The following ABHD15 variants were observed in gnomAD, a reference collection of about 807,000 sequenced individuals.
The protein encoded by ABHD15 is protein ABHD15.
A neutral mutation model predicts 34.4 loss-of-function variants in ABHD15; 34 were observed. The observed-to-expected ratio is 0.99, with a 90% CI of 0.75 to 1.32. The LOEUF is 1.32. Among genes scored for constraint, ABHD15 ranks in the 40% most tolerant of loss-of-function variants. The pLI, the probability that ABHD15 is intolerant of heterozygous loss-of-function variation, is 0.00. For missense variants in ABHD15, 644 were observed against 650.4 expected, an observed-to-expected ratio of 0.99 and a Z score of 0.11; for synonymous variants, 314 against 299.2, an observed-to-expected ratio of 1.05 and a Z score of -0.51.
At position 29,566,417 on chromosome 17, in the gene ABHD15, G is replaced by T. The variant is rs942606917; in HGVS notation, c.550C>A (p.Arg184Ser). 3.1e-6 allele frequency: 5 copies of T among 1,612,000 alleles called. No homozygotes were observed. The highest frequency in any genetic ancestry group is 1.7e-5 in the Admixed American group (1 of 59,962). ...TGGAAGATGACCGGGTAGTAGCCGC[G>T]CTCCAGGGCGAGCAAGCAAAGGCCG... Reference protein sequence around the residue: ...VLGLCLLALERGYYPVIFHRR... With the variant: ...VLGLCLLALESGYYPVIFHRR... The change falls in exon 1 of 2, where the codon CGC (arginine) becomes AGC (serine). Residue 184 changes from arginine to serine, a missense_variant. Transcript: ENST00000307201.
rs755363222 is a variant in ABHD15 at position 29,561,658 on chromosome 17, T to G, written c.*903A>C. The G allele has an allele frequency of 2.6e-5, 4 of 152,518 alleles. No homozygotes were observed. Among genetic ancestry groups the G allele is most frequent in the African/African-American group, 4.8e-5 (2 of 41,424 alleles). 9.4% of individuals were successfully genotyped at this position (152,518 alleles called of 1,614,324 possible). ...AGGGAGCAACCAACCAGAAAACACC[T>G]AAGTTATGAGGTTTGTGCTTTTCCT... On this transcript the variant is annotated 3_prime_UTR_variant, in exon 2 of 2. Coordinates refer to ENST00000307201, the MANE Select transcript of ABHD15 (RefSeq NM_198147.3).
Position 29,566,794 on chromosome 17 carries a change from T to C in ABHD15, c.173A>G (p.Gln58Arg). ...CAGTGGCTCGCGCCCGTCGCTGAAC[T>C]GGTCCGCCGGGCCTCCGCCGTCCGC... Reference protein sequence around the residue: ...EEADGGGPADQFSDGREPLPG... With the variant: ...EEADGGGPADRFSDGREPLPG... The change falls in exon 1 of 2, where the codon CAG (glutamine) becomes CGG (arginine). Residue 58 changes from glutamine to arginine, a missense_variant. Transcript: ENST00000307201. 6.6e-7 allele frequency: 1 copy of C among 1,512,464 alleles called. No individual in the cohort carries two copies. The highest frequency in any genetic ancestry group is 1.2e-5 in the South Asian group (1 of 80,560). 93.7% of individuals were successfully genotyped at this position (1,512,464 alleles called of 1,614,324 possible). A position where few individuals can be genotyped will look rare whatever the true frequency, so the allele number is the denominator to read the frequency against.
At position 29,562,727 on chromosome 17, in the gene ABHD15, G is replaced by A; in HGVS notation, c.1241C>T (p.Ala414Val). The A allele has an allele frequency of 6.2e-7, 1 of 1,614,154 alleles. No homozygotes were observed. Among genetic ancestry groups the A allele is most frequent in the Non-Finnish European group, 8.5e-7 (1 of 1,180,018 alleles). The change falls in exon 2 of 2, where the codon GCC becomes GTC. Residue 414 changes from alanine to valine, a missense_variant. Physicochemically the swap from Ala to Val is moderately conservative, Grantham distance 64. Coordinates refer to ENST00000307201, the MANE Select transcript of ABHD15 (RefSeq NM_198147.3). ...SHEVILESFR[A>V]LTEFFRTEER... ...CTCCGTTCGGAAGAACTCAGTCAAGGCCCGGAAGGACTCCAAGATGACCTC... is the reference window on the plus strand; with the variant it reads ...CTCCGTTCGGAAGAACTCAGTCAAGACCCGGAAGGACTCCAAGATGACCTC...
In ABHD15 at chr17:29,562,553, C is replaced by T; in HGVS notation, c.*8G>A. The T allele has an allele frequency of 6.2e-7, 1 of 1,607,984 alleles. No individual in the cohort carries two copies. Among genetic ancestry groups the T allele is most frequent in the East Asian group, 2.2e-5 (1 of 44,720 alleles). The stretch of plus-strand genomic sequence containing the variant: ...TTGCAGGACTTGGGGGTTCTCAGGC[C>T]AGGTCTTTCACCTTGTGTATGATCG... On this transcript the variant is annotated 3_prime_UTR_variant, in exon 2 of 2. Coordinates refer to ENST00000307201, the MANE Select transcript of ABHD15 (RefSeq NM_198147.3).
intron 1 of ABHD15, among the ~76,000 whole-genome samples, chr17:29,565,273 T>A (rs978667712): frequency 2.0e-5 from 3 of 151,926 alleles, no homozygotes; most frequent in Admixed American, 1.3e-4. Context: ...AAAATACTTT[T>A]AAAAAATAAT....
Position 29,562,892 on chromosome 17 carries a change from T to C in ABHD15, c.1076A>G (p.Asp359Gly), listed in dbSNP as rs1364542013. The change falls in exon 2 of 2, where the codon GAC (aspartate) becomes GGC (glycine). Residue 359 changes from aspartate to glycine, a missense_variant. Transcript: ENST00000307201. ...AVPVLCICSA[D>G]DPVCGPPDHT... Reference sequence around the variant, plus strand: ...GTCTGGGGGTCCACACACGGGGTCGTCAGCACTGCAGATACACAGCACAGG... The same window carrying C: ...GTCTGGGGGTCCACACACGGGGTCGCCAGCACTGCAGATACACAGCACAGG... 4 of 1,614,096 alleles carry C rather than the reference T, an allele frequency of 2.5e-6. No homozygotes were observed. Among genetic ancestry groups the C allele is most frequent in the Non-Finnish European group, 3.4e-6 (4 of 1,180,024 alleles).
Position 29,562,706 on chromosome 17 carries a change from G to A in ABHD15, c.1262C>T (p.Thr421Met), listed in dbSNP as rs371401765. 4.4e-5 allele frequency: 71 copies of A among 1,614,036 alleles called. No individual in the cohort carries two copies. The highest frequency in any genetic ancestry group is 1.6e-4 in the Middle Eastern group (1 of 6,084). The change falls in exon 2 of 2, where the codon ACG (threonine) becomes ATG (methionine). Residue 421 changes from threonine to methionine, a missense_variant. Transcript: ENST00000307201. ...GCTCAGCCCTTTAATCCTCTCCTCC[G>A]TTCGGAAGAACTCAGTCAAGGCCCG... ...SFRALTEFFR[T>M]EERIKGLSRH...
In ABHD15 at chr17:29,566,228, G is replaced by T. The variant is rs367565913; in HGVS notation, c.739C>A (p.Leu247Met). 12 of 1,611,108 alleles carry T rather than the reference G, an allele frequency of 7.4e-6. No homozygotes were observed. Among genetic ancestry groups the T allele is most frequent in the African/African-American group, 1.3e-5 (1 of 75,018 alleles). ...GSGSALLLSY[L>M]GECGSSSYVT... ...TAGCTGGAGGAGCCGCACTCGCCCA[G>T]GTAGGACAGGAGCAGCGCCGAGCCC... Residue 247 changes from leucine (L) to methionine (M), a missense_variant, in exon 1 of 2, where the codon CTG becomes ATG. Transcript: ENST00000307201.
rs763059674 is a variant in ABHD15, at chr17:29,562,602, G to A, written c.1366C>T (p.Leu456=). ...QRREVSSSSN[L]EEIFNWKRSY... ...CGCTTCCAGTTAAAGATCTCCTCCA[G>A]GTTGGAAGAGGAAGAGACTTCCCGC... Residue 456 remains leucine (L), a synonymous_variant, in exon 2 of 2, where the codon CTG becomes TTG. Coordinates refer to ENST00000307201, the MANE Select transcript of ABHD15 (RefSeq NM_198147.3). 13 of 1,613,974 alleles carry A rather than the reference G, an allele frequency of 8.1e-6. No homozygotes were observed. The highest frequency in any genetic ancestry group is 1.1e-5 in the Non-Finnish European group (13 of 1,180,014).
In ABHD15 at chr17:29,562,147, C is replaced by T. The variant is rs563108582; in HGVS notation, c.*414G>A. 13 of 160,662 alleles carry T rather than the reference C, an allele frequency of 8.1e-5. No individual in the cohort carries two copies. The highest frequency in any genetic ancestry group is 6.5e-4 in the Admixed American group (11 of 16,836). The allele number at this position is 160,662 out of a possible 1,614,324, so 10.0% of individuals were successfully genotyped here. A position where few individuals can be genotyped will look rare whatever the true frequency, so the allele number is the denominator to read the frequency against. On this transcript the variant is annotated 3_prime_UTR_variant, in exon 2 of 2. Transcript: ENST00000307201. ...CACAAACATCCTGTCCTCATGACAT[C>T]AAATGGCTCCAGCTTGAGAATCGGG...
intron 1 of ABHD15, among the ~76,000 whole-genome samples, chr17:29,565,181 C>A (rs1251646054): frequency 6.6e-6 from 1 of 151,980 alleles, no homozygotes; most frequent in Non-Finnish European, 1.5e-5. Flanking sequence ...ATAGCTTGCA[C>A]CCAGGAGGTG....
In ABHD15 at chr17:29,562,572, A is replaced by G; in HGVS notation, c.1396T>C (p.Tyr466His). ...TCAGGCCAGGTCTTTCACCTTGTGT[A>G]TGATCGCTTCCAGTTAAAGATCTCC... ...LEEIFNWKRS[Y>H]TR The change falls in exon 2 of 2, where the codon TAC becomes CAC. Residue 466 changes from tyrosine to histidine, a missense_variant. By Grantham distance (83) the Tyr-to-His change is moderately conservative (BLOSUM62 2). Coordinates refer to ENST00000307201, the MANE Select transcript of ABHD15 (RefSeq NM_198147.3). 1.9e-6 allele frequency: 3 copies of G among 1,613,190 alleles called. No individual in the cohort carries two copies. The highest frequency in any genetic ancestry group is 1.1e-5 in the South Asian group (1 of 91,054).
chr17:29,566,732 G>C lies in ABHD15; in HGVS notation c.235C>G (p.Leu79Val), dbSNP rs1200971852. 6.4e-7 allele frequency: 1 copy of C among 1,565,000 alleles called. No homozygotes were observed. The highest frequency in any genetic ancestry group is 8.6e-7 in the Non-Finnish European group (1 of 1,162,380). ...AGGGCGCGCAGCAGGCACTGGGCCA[G>C]GGCCGACGGCTTGCAAACAAGGCTG... The part of the protein sequence containing the change: ...GCSLVCKPSA[L>V]AQCLLRALRR... The change falls in exon 1 of 2, where the codon CTG becomes GTG. Residue 79 changes from leucine (L) to valine (V), a missense_variant. Physicochemically the swap from Leu to Val is conservative, Grantham distance 32. Coordinates refer to ENST00000307201, the MANE Select transcript of ABHD15 (RefSeq NM_198147.3).
rs142182478 is a variant in ABHD15 at position 29,562,782 on chromosome 17, G to A, written c.1186C>T (p.Arg396Cys). Residue 396 changes from arginine to cysteine, a missense_variant, in exon 2 of 2, where the codon CGC becomes TGC. By Grantham distance (180) the Arg-to-Cys change is radical. Transcript: ENST00000307201. The stretch of plus-strand genomic sequence containing the variant: ...CTCCAGGCTGGCAAGGGCTCCTGGC[G>A]CAGGAAGCCACAGTGGCCTCCGTGG... Reference protein sequence around the residue: ...SRHGGHCGFLRQEPLPAWSHE... With the variant: ...SRHGGHCGFLCQEPLPAWSHE... The A allele has an allele frequency of 2.9e-5, 46 of 1,613,518 alleles. No homozygotes were observed. Among genetic ancestry groups the A allele is most frequent in the East Asian group, 2.5e-4 (11 of 44,858 alleles).
chr17:29,564,486 TCCTGACAAGGAGGCCAGGATGAGCAG>T (rs1567757104), intron 1 of ABHD15, among the ~76,000 whole-genome samples: 1 of 152,184 alleles, frequency 6.6e-6, no homozygotes, highest in African/African-American at 2.4e-5. Flanking sequence ...GGGCTTGGCA[TCCTGACAAGGAGGCCAGGATGAGCAG>T]CTCCGTCTTT....
chr17:29,563,384 TAA>T lies in ABHD15; in HGVS notation c.882-300_882-299del, dbSNP rs34446912. 4.5e-3 allele frequency among the ~76,000 whole-genome samples: 542 copies of T among 121,484 alleles called. 2 individuals carry two copies. Among genetic ancestry groups the T allele is most frequent in the African/African-American group, 0.014 (463 of 33,712 alleles). The allele number at this position is 121,484 out of a possible 152,430, so 79.7% of individuals were successfully genotyped here. A position where few individuals can be genotyped will look rare whatever the true frequency, so the allele number is the denominator to read the frequency against. ...GGGCAACAGGGCGAAAACCCATCTC[TAA>T]AAAAAAAAAAAAAAAAAATTAGCTT... On this transcript the variant is annotated intron_variant, in intron 1 of 1. Transcript: ENST00000307201.
intron 1 of ABHD15, among the ~76,000 whole-genome samples, chr17:29,565,119 G>A (rs1399363618): frequency 6.6e-6 from 1 of 152,012 alleles, no homozygotes; most frequent in African/African-American, 2.4e-5. Flanking sequence ...TTAGCTGGGT[G>A]TGGTGGTGCA....
chr17:29,566,616 C>CG lies in ABHD15; in HGVS notation c.350dup (p.Pro118AlafsTer4), dbSNP rs1255000088. 6.2e-7 allele frequency: 1 copy of CG among 1,608,664 alleles called. No individual in the cohort carries two copies. Among genetic ancestry groups the CG allele is most frequent in the East Asian group, 2.2e-5 (1 of 44,848 alleles). ...ACTCCCGGGCCAGCTCAGGCCCAGGCGCTACGGGCAGGACGAAGTGGCAGA... is the reference window on the plus strand; with the variant it reads ...ACTCCCGGGCCAGCTCAGGCCCAGGCGGCTACGGGCAGGACGAAGTGGCAGA... On this transcript the variant is annotated frameshift_variant, in exon 1 of 2. Coordinates refer to ENST00000307201, the MANE Select transcript of ABHD15 (RefSeq NM_198147.3). LOFTEE classifies it high-confidence loss of function.
At chr17:29,565,899 G>T (rs1006693707) in intron 1 of ABHD15, among the ~76,000 whole-genome samples, 187 bp downstream of exon 1, 7 of 152,254 alleles carry the variant, frequency 4.6e-5, no homozygotes, top group African/African-American at 1.7e-4. Flanking sequence ...GTCCATCGAT[G>T]ACCTTTAAAC....
Sources: allele counts gnomAD v4.1 joint callset (sites outside exome capture counted in the v4.1 genomes callset), GRCh38; gene constraint gnomAD v4.1.1; transcripts MANE v1.5; gene names NCBI Gene and HGNC (gene_info 2026-07-23, HGNC 2026-07-21).